The following CCDC6 variants were observed in gnomAD, a reference collection of about 807,000 sequenced individuals.
CCDC6 encodes coiled-coil domain-containing protein 6.
CCDC6 carries 20 observed loss-of-function variants against 56.6 expected under a neutral mutation model. That is an observed-to-expected ratio of 0.35 (90% CI 0.25 to 0.51). The LOEUF (loss-of-function observed/expected upper bound fraction) is 0.51, where lower values mean the gene tolerates loss of function less well. Ranked by LOEUF, CCDC6 falls within the 20% of genes least tolerant of loss-of-function variation. The pLI is 0.95. For synonymous variants in CCDC6, 241 were observed against 234.4 expected (o/e 1.03, Z -0.26); for missense variants, 367 against 601.1 (o/e 0.61, Z 4.07).
intron 4 of CCDC6, among the ~76,000 whole-genome samples, chr10:59,814,149 C>T (rs1589038246): frequency 6.6e-6 from 1 of 152,248 alleles, no homozygotes; most frequent in East Asian, 1.9e-4. Context: ...CTTCCAAGTA[C>T]ATACATTTTA....
intron 2 of CCDC6, among the ~76,000 whole-genome samples, chr10:59,841,465 T>C (rs931399534): frequency 6.6e-6 from 1 of 152,216 alleles, no homozygotes; most frequent in African/African-American, 2.4e-5. Flanking sequence ...AATACAATTT[T>C]TCATATGAGA....
chr10:59,802,560 G>A (rs1354690050), intron 7 of CCDC6, among the ~76,000 whole-genome samples: 4 of 152,208 alleles, frequency 2.6e-5, no homozygotes, highest in Non-Finnish European at 5.9e-5. Flanking sequence ...CTTTGGTGAT[G>A]TTATAGAATT....
intron 3 of CCDC6, among the ~76,000 whole-genome samples, chr10:59,818,503 G>GGGGA (rs1564741237): frequency 7.2e-6 from 1 of 139,714 alleles, no homozygotes; most frequent in East Asian, 2.5e-4. Flanking sequence ...GACGGGGGGG[G>GGGGA]GGGAAGCAGA....
At chr10:59,826,050 T>G (rs1010971725) in intron 3 of CCDC6, among the ~76,000 whole-genome samples, 1 of 152,112 alleles carries the variant, frequency 6.6e-6, no homozygotes, top group Non-Finnish European at 1.5e-5. Context: ...CTTTAAGTCA[T>G]CCAGTGTCAT....
intron 7 of CCDC6, among the ~76,000 whole-genome samples, chr10:59,803,635 C>T (rs978631601): frequency 6.6e-6 from 1 of 152,226 alleles, no homozygotes; most frequent in African/African-American, 2.4e-5. Flanking sequence ...CTCTTTCTCT[C>T]TCACTGGATC....
At position 59,882,458 on chromosome 10, in the gene CCDC6, GAAGGA is replaced by G. The variant is rs1184932684; in HGVS notation, c.303+23659_303+23663del. 3.3e-3 allele frequency among the ~76,000 whole-genome samples: 235 copies of G among 71,426 alleles called. 5 individuals are homozygous for G. The highest frequency in any genetic ancestry group is 7.7e-3 in the Middle Eastern group (1 of 130). The allele number at this position is 71,426 out of a possible 152,430, so 46.9% of individuals were successfully genotyped here. On this transcript the variant is annotated intron_variant, in intron 1 of 8. Transcript: ENST00000263102. ...GAGAAGGAAAGGAAAGCCGGCGGGA[GAAGGA>G]AAGGAAAGCCAGGGGGAGAAGGAAA...
chr10:59,857,955 G>A (rs113031372), intron 1 of CCDC6, among the ~76,000 whole-genome samples: 1,877 of 152,216 alleles, frequency 0.012, 15 homozygotes, highest in Middle Eastern at 0.02. Flanking sequence ...CCTTTCCTAG[G>A]TATACTACTG....
At chr10:59,904,738 T>C (rs1361940255) in intron 1 of CCDC6, among the ~76,000 whole-genome samples, 3 of 152,232 alleles carry the variant, frequency 2.0e-5, no homozygotes, top group Non-Finnish European at 4.4e-5. Flanking sequence ...GATTTGAGCA[T>C]GAAAAGTTTC....
At chr10:59,906,071 C>G (rs1435907579) in intron 1 of CCDC6, 51 bp downstream of exon 1, 6 of 1,502,392 alleles carry the variant, frequency 4.0e-6, no homozygotes, top group South Asian at 1.3e-5. Context: ...TGCAGCCCCT[C>G]CCGGGGCGGG....
intron 1 of CCDC6, among the ~76,000 whole-genome samples, chr10:59,901,924 ATTTG>A (rs1367619839): frequency 1.5e-5 from 2 of 134,260 alleles, no homozygotes; most frequent in Non-Finnish European, 3.2e-5. Flanking sequence ...GTGACTATGC[ATTTG>A]TTTATTTCCC....
rs772549975 is a variant in CCDC6, at chr10:59,814,654, C to T, written c.684G>A (p.Lys228=). 1.1e-5 allele frequency: 17 copies of T among 1,605,310 alleles called. No homozygotes were observed. The highest frequency in any genetic ancestry group is 1.5e-5 in the Non-Finnish European group (17 of 1,172,156). ...CTGAACAGCAAGACTAAACAAACCGCTTTTCAGCTTCAAGCTTATCCATCC... is the reference window on the plus strand; with the variant it reads ...CTGAACAGCAAGACTAAACAAACCGTTTTTCAGCTTCAAGCTTATCCATCC... ...WKRMDKLEAE[K]RILQEKLDQP... The change falls in exon 4 of 9, where the codon AAG becomes AAA. Residue 228 remains lysine, a splice_region_variant and synonymous_variant. Transcript: ENST00000263102.
Position 59,859,099 on chromosome 10 carries a change from T to C in CCDC6, c.304-6397A>G, listed in dbSNP as rs557490043. On this transcript the variant is annotated intron_variant, in intron 1 of 8. Transcript: ENST00000263102. ...GCTTATCCTAGTGCCTTGCATGTGT[T>C]AGCACTAAAAAGATACAAAAAGGGT... Among the ~76,000 whole-genome samples, 8 of 152,016 alleles carry C rather than the reference T, an allele frequency of 5.3e-5. No individual in the cohort carries two copies. The South Asian group carries it at 1.7e-3, about 32-fold the overall frequency.
chr10:59,818,263 C>G (rs547334385), intron 3 of CCDC6, among the ~76,000 whole-genome samples: 1 of 152,098 alleles, frequency 6.6e-6, no homozygotes, highest in African/African-American at 2.4e-5. Flanking sequence ...TGGAGCTCTA[C>G]GTGAATCTCG....
chr10:59,824,213 CAG>C (rs1210724221), intron 3 of CCDC6, among the ~76,000 whole-genome samples: 1 of 152,058 alleles, frequency 6.6e-6, no homozygotes, highest in Non-Finnish European at 1.5e-5. Flanking sequence ...TCATATCCTA[CAG>C]AGAGACTTAT....
chr10:59,900,526 A>C (rs2071497670), intron 1 of CCDC6, among the ~76,000 whole-genome samples: 1 of 152,206 alleles, frequency 6.6e-6, no homozygotes, highest in African/African-American at 2.4e-5. Context: ...CTGTGAAGCA[A>C]GCAGGGCATT....
intron 1 of CCDC6, among the ~76,000 whole-genome samples, chr10:59,879,791 C>T (rs2071317475): frequency 6.6e-6 from 1 of 152,160 alleles, no homozygotes; most frequent in African/African-American, 2.4e-5. Flanking sequence ...CCCCAAGTTT[C>T]CAATAGGTTC....
intron 3 of CCDC6, among the ~76,000 whole-genome samples, chr10:59,829,634 T>C (rs981067482): frequency 6.6e-6 from 1 of 152,140 alleles, no homozygotes; most frequent in Admixed American, 6.5e-5. Context: ...GAAAACATTA[T>C]GGTAAATGAA....
intron 7 of CCDC6, among the ~76,000 whole-genome samples, chr10:59,795,463 TATTC>T (rs1378219533): frequency 7.4e-6 from 1 of 135,080 alleles, no homozygotes. Flanking sequence ...TTTTTTTTCT[TATTC>T]ATTTTTATTA....
At chr10:59,851,596 A>T (rs2071039759) in intron 2 of CCDC6, among the ~76,000 whole-genome samples, 1 of 152,174 alleles carries the variant, frequency 6.6e-6, no homozygotes. Flanking sequence ...CTCTTACAGG[A>T]TCATCTATGT....
Sources: gnomAD v4.1 joint callset for allele counts (sites outside exome capture counted in the v4.1 genomes callset) on GRCh38, gnomAD v4.1.1 for gene constraint, MANE v1.5 for transcripts, NCBI Gene and HGNC (gene_info 2026-07-23, HGNC 2026-07-21) for gene names.